The following NCAM1 variants were observed in gnomAD, a reference collection of about 807,000 sequenced individuals.
The protein encoded by NCAM1 is antigen recognized by monoclonal antibody 5.1H11.
NCAM1 carries 14 observed loss-of-function variants against 109.8 expected under a neutral mutation model. The ratio of observed to expected loss-of-function variants is 0.13; its 90% CI spans 0.08 to 0.20. NCAM1 has a LOEUF of 0.20. Among genes scored for constraint, NCAM1 ranks in the 10% least tolerant of loss-of-function variants. The pLI is 1.00. For missense variants in NCAM1, 774 were observed against 1,109.9 expected, an observed-to-expected ratio of 0.70 and a Z score of 4.30; for synonymous variants, 418 against 442.9, an observed-to-expected ratio of 0.94 and a Z score of 0.70.
chr11:113,263,355 C>T, intron 17 of NCAM1: 2 of 996,094 alleles, frequency 2.0e-6, no homozygotes, highest in Non-Finnish European at 2.4e-6. Context: ...CTCATTCTAA[C>T]TCTGTGCTCC....
At chr11:113,132,104 G>T (rs1405779145) in intron 1 of NCAM1, among the ~76,000 whole-genome samples, 3 of 152,170 alleles carry the variant, frequency 2.0e-5, no homozygotes, top group Non-Finnish European at 4.4e-5. Flanking sequence ...CCATGACTTT[G>T]CAGTCCTCTG....
intron 1 of NCAM1, among the ~76,000 whole-genome samples, chr11:113,117,990 G>A (rs1233346508): frequency 6.6e-6 from 1 of 151,926 alleles, no homozygotes; most frequent in East Asian, 1.9e-4. Flanking sequence ...GTGATTAATA[G>A]CACGGATTGA....
rs782139627 is a variant in NCAM1, at chr11:113,271,827, G to A, written c.2407G>A (p.Gly803Arg). 2 of 1,573,430 alleles carry A rather than the reference G, an allele frequency of 1.3e-6. No homozygotes were observed. The highest frequency in any genetic ancestry group is 1.4e-5 in the African/African-American group (1 of 73,874). ...GGAGGAGAGGACCCCAAACCATGAT[G>A]GAGGGAAACACACAGAGCCCAACGA... Reference protein sequence around the residue: ...TEEERTPNHDGGKHTEPNETT... With the variant: ...TEEERTPNHDRGKHTEPNETT... The change falls in exon 19 of 20, where the codon GGA becomes AGA. Residue 803 changes from glycine (G) to arginine (R), a missense_variant. Physicochemically the swap from Gly to Arg is moderately radical, Grantham distance 125 (BLOSUM62 -2). Coordinates refer to ENST00000316851, the MANE Select transcript of NCAM1 (RefSeq NM_181351.5).
chr11:113,231,077 T>C, intron 9 of NCAM1: 1 of 982,276 alleles, frequency 1.0e-6, no homozygotes, highest in Non-Finnish European at 1.5e-6. Context: ...CTTTGAGTTG[T>C]TTGGCTTGTT....
chr11:113,187,498 C>T lies in NCAM1; in HGVS notation c.53-14881C>T, dbSNP rs557115784. 2.6e-5 allele frequency among the ~76,000 whole-genome samples: 4 copies of T among 152,130 alleles called. 1 individual carries two copies. The South Asian group carries it at 6.2e-4, about 24-fold the overall frequency. On this transcript the variant is annotated intron_variant, in intron 1 of 19. Transcript: ENST00000316851. ...AGCTAGAAAACAGGCAAATAACTCA[C>T]AGTCCAGTGAGTTTTGAGTCTGATA...
intron 1 of NCAM1, among the ~76,000 whole-genome samples, chr11:113,059,826 T>A: frequency 6.6e-6 from 1 of 152,114 alleles, no homozygotes; most frequent in East Asian, 1.9e-4. Context: ...TCCCTCCCAA[T>A]GAATGGAGAA....
intron 1 of NCAM1, among the ~76,000 whole-genome samples, chr11:112,975,089 A>C (rs1555067451): frequency 6.6e-6 from 1 of 152,084 alleles, no homozygotes; most frequent in African/African-American, 2.4e-5. Flanking sequence ...AAAAACCCGA[A>C]CAGAGGAATG....
At chr11:113,090,947 T>C (rs1387354670) in intron 1 of NCAM1, among the ~76,000 whole-genome samples, 1 of 151,868 alleles carries the variant, frequency 6.6e-6, no homozygotes, top group Non-Finnish European at 1.5e-5. Flanking sequence ...GTAGAAGTTT[T>C]GAACAATAGA....
At chr11:113,033,544 T>G (rs533650073) in intron 1 of NCAM1, among the ~76,000 whole-genome samples, 1 of 152,316 alleles carries the variant, frequency 6.6e-6, no homozygotes, top group East Asian at 1.9e-4. Flanking sequence ...AACACATTTT[T>G]CCTCTACTAT....
intron 9 of NCAM1, among the ~76,000 whole-genome samples, chr11:113,226,089 C>T (rs1944836814): frequency 6.6e-6 from 1 of 152,122 alleles, no homozygotes; most frequent in African/African-American, 2.4e-5. Flanking sequence ...ACAATATAAA[C>T]CTTAAATGTA....
chr11:113,030,639 C>T (rs1591264524), intron 1 of NCAM1, among the ~76,000 whole-genome samples: 1 of 152,262 alleles, frequency 6.6e-6, no homozygotes, highest in Non-Finnish European at 1.5e-5. Flanking sequence ...ATCAGTTGTA[C>T]ATTAGACATA....
At chr11:113,257,498 A>G (rs1335696127) in intron 16 of NCAM1, among the ~76,000 whole-genome samples, 2 of 152,262 alleles carry the variant, frequency 1.3e-5, no homozygotes, top group African/African-American at 4.8e-5. Context: ...ATAAATGGTC[A>G]CTATGGTTAC....
chr11:113,065,448 G>A (rs781817117), intron 1 of NCAM1, among the ~76,000 whole-genome samples: 2 of 152,100 alleles, frequency 1.3e-5, no homozygotes, highest in African/African-American at 2.4e-5. Flanking sequence ...CTTCACAGGG[G>A]AGAAACCTGG....
At chr11:113,188,914 G>C (rs1943593862) in intron 1 of NCAM1, among the ~76,000 whole-genome samples, 1 of 152,060 alleles carries the variant, frequency 6.6e-6, no homozygotes, top group Admixed American at 6.5e-5. Flanking sequence ...TTTAGAGTTG[G>C]TGCTGGGATG....
chr11:113,099,262 G>A (rs782072705), intron 1 of NCAM1, among the ~76,000 whole-genome samples: 1 of 152,164 alleles, frequency 6.6e-6, no homozygotes, highest in Non-Finnish European at 1.5e-5. Flanking sequence ...ATCAAGATGG[G>A]ATAGATAAGA....
chr11:113,090,258 T>C (rs1939280669), intron 1 of NCAM1, among the ~76,000 whole-genome samples: 1 of 152,246 alleles, frequency 6.6e-6, no homozygotes, highest in Non-Finnish European at 1.5e-5. Context: ...GTAACATTCA[T>C]GATGACTTTG....
At chr11:113,148,927 A>G (rs781841531) in intron 1 of NCAM1, among the ~76,000 whole-genome samples, 2 of 152,174 alleles carry the variant, frequency 1.3e-5, no homozygotes, top group Non-Finnish European at 2.9e-5. Context: ...GCAGAAGCCA[A>G]TGAGTGACTG....
chr11:113,004,685 C>A (rs1283641352), intron 1 of NCAM1, among the ~76,000 whole-genome samples: 1 of 151,978 alleles, frequency 6.6e-6, no homozygotes, highest in Non-Finnish European at 1.5e-5. Flanking sequence ...TTTTTCTATC[C>A]TTACTATTCT....
intron 1 of NCAM1, among the ~76,000 whole-genome samples, chr11:113,194,773 T>TAG (rs1309393140): frequency 6.6e-6 from 1 of 152,206 alleles, no homozygotes; most frequent in East Asian, 1.9e-4. Context: ...CTTCATTCTC[T>TAG]AGGCTGCTTT....
Sources: gnomAD v4.1 joint callset for allele counts (sites outside exome capture counted in the v4.1 genomes callset) on GRCh38, gnomAD v4.1.1 for gene constraint, MANE v1.5 for transcripts, NCBI Gene and HGNC (gene_info 2026-07-23, HGNC 2026-07-21) for gene names.